FBXO25: variants seen among roughly 807,000 people sequenced by gnomAD.
FBXO25 encodes F-box only protein 25.
In FBXO25, 45 loss-of-function variants were observed where a neutral mutation model predicts 51.9. The observed-to-expected ratio is 0.87, with a 90% CI of 0.68 to 1.11. The LOEUF (loss-of-function observed/expected upper bound fraction) is 1.11. Ranked by LOEUF, FBXO25 falls within the 50% of genes most tolerant of loss-of-function variation. The pLI is 0.00. For missense variants in FBXO25, 507 were observed against 428.5 expected, an observed-to-expected ratio of 1.18 and a Z score of -1.62; for synonymous variants, 199 against 151.0, an observed-to-expected ratio of 1.32 and a Z score of -2.33.
At chr8:430,175 T>C (rs1315444797) in intron 2 of FBXO25, among the ~76,000 whole-genome samples, 1 of 152,250 alleles carries the variant, frequency 6.6e-6, no homozygotes, top group East Asian at 1.9e-4. Context: ...TTTGATATGT[T>C]TGTAATTTTC....
chr8:423,438 A>C (rs1797278762), intron 2 of FBXO25, among the ~76,000 whole-genome samples: 4 of 150,770 alleles, frequency 2.7e-5, no homozygotes. Context: ...TTTTTAACCC[A>C]CCCCCACTCC....
chr8:444,895 A>G (rs1391109873), intron 5 of FBXO25, among the ~76,000 whole-genome samples: 1 of 152,236 alleles, frequency 6.6e-6, no homozygotes, highest in African/African-American at 2.4e-5. Flanking sequence ...TCACACAGTG[A>G]GGAAATTACC....
chr8:462,938 G>C (rs997614171), intron 8 of FBXO25, 69 bp from the exon 9 acceptor site: 4 of 1,520,036 alleles, frequency 2.6e-6, no homozygotes, highest in Admixed American at 2.3e-5. Context: ...AAATGAAAAA[G>C]TTTTACACCT....
intron 1 of FBXO25, among the ~76,000 whole-genome samples, chr8:409,574 C>G (rs1310299373): frequency 3.3e-5 from 5 of 152,134 alleles, no homozygotes; most frequent in African/African-American, 1.2e-4. Flanking sequence ...GATTGTGAAA[C>G]TAGAAGATAA....
intron 9 of FBXO25, 82 bp from the exon 10 acceptor site, chr8:468,633 C>T: frequency 9.7e-7 from 1 of 1,034,744 alleles, no homozygotes; most frequent in Non-Finnish European, 1.5e-6. Flanking sequence ...CATCAACAAG[C>T]AGCTGACGAC....
chr8:467,893 T>G, intron 9 of FBXO25: 1 of 1,517,668 alleles, frequency 6.6e-7, no homozygotes. Context: ...CAGGGCTGAG[T>G]GGCCACTTTG....
At chr8:465,701 A>C (rs1258615743) in intron 9 of FBXO25, among the ~76,000 whole-genome samples, 1 of 152,198 alleles carries the variant, frequency 6.6e-6, no homozygotes, top group African/African-American at 2.4e-5. Flanking sequence ...TTTATACATA[A>C]AACAAAGTTT....
chr8:415,730 A>G (rs1199191942), intron 2 of FBXO25, among the ~76,000 whole-genome samples: 4 of 152,176 alleles, frequency 2.6e-5, no homozygotes, highest in Non-Finnish European at 5.9e-5. Flanking sequence ...TAAGTAAATA[A>G]TCTGGCTGGG....
chr8:437,095 A>G (rs543571994), intron 5 of FBXO25, among the ~76,000 whole-genome samples: 76 of 152,272 alleles, frequency 5.0e-4, no homozygotes, highest in Non-Finnish European at 9.3e-4. Flanking sequence ...ACATACTACT[A>G]TAATTTGCTG....
intron 1 of FBXO25, among the ~76,000 whole-genome samples, chr8:410,939 T>C (rs1796452199): frequency 6.6e-6 from 1 of 152,190 alleles, no homozygotes; most frequent in African/African-American, 2.4e-5. Context: ...GATCCAGGAA[T>C]ATTGTTGAAG....
chr8:410,519 C>T (rs1021292988), intron 1 of FBXO25, among the ~76,000 whole-genome samples: 10 of 152,064 alleles, frequency 6.6e-5, no homozygotes, highest in African/African-American at 2.2e-4. Context: ...TCCTAGCAGC[C>T]ATTTTCTGTT....
intron 3 of FBXO25, 124 bp downstream of exon 3, chr8:431,568 G>T (rs373891559): frequency 2.9e-5 from 15 of 524,702 alleles, no homozygotes; most frequent in East Asian, 1.8e-4. Context: ...CCAGTATCCA[G>T]CATTGCCTAC....
Position 472,601 on chromosome 8 carries a change from T to C in FBXO25, c.*3797T>C, listed in dbSNP as rs1413848354. 6.6e-6 allele frequency: 1 copy of C among 151,232 alleles called. No individual in the cohort carries two copies. Among genetic ancestry groups the C allele is most frequent in the Non-Finnish European group, 1.5e-5 (1 of 67,852 alleles). 9.4% of individuals were successfully genotyped at this position (151,232 alleles called of 1,614,324 possible). A position where few individuals can be genotyped will look rare whatever the true frequency, so the allele number is the denominator to read the frequency against. On this transcript the variant is annotated 3_prime_UTR_variant, in exon 10 of 10. Coordinates refer to ENST00000350302, the MANE Select transcript of FBXO25 (RefSeq NM_183420.2). ...CTTAGAAAGTGTTCCCTCTTCTGTG[T>C]TTTGGAAGTGTTTGTGGTGGTTTCT...
chr8:426,963 A>C (rs899978039), intron 2 of FBXO25, among the ~76,000 whole-genome samples: 7 of 152,130 alleles, frequency 4.6e-5, no homozygotes, highest in African/African-American at 1.7e-4. Context: ...CTTATATAAA[A>C]TTGACTGGAC....
At position 475,817 on chromosome 8, in the gene FBXO25, T is replaced by A. The variant is rs1399786265; in HGVS notation, c.*7013T>A. 1 of 152,218 alleles carries A rather than the reference T, an allele frequency of 6.6e-6. No homozygotes were observed. The highest frequency in any genetic ancestry group is 1.5e-5 in the Non-Finnish European group (1 of 68,024). The allele number at this position is 152,218 out of a possible 1,614,324, so 9.4% of individuals were successfully genotyped here. ...TGTATGGACACTAGGATTTTCTACA[T>A]ATAAGATCATGTCATCTGCAAACAG... On this transcript the variant is annotated 3_prime_UTR_variant, in exon 10 of 10. Coordinates refer to ENST00000350302, the MANE Select transcript of FBXO25 (RefSeq NM_183420.2).
intron 2 of FBXO25, chr8:420,269 C>G (rs1361109017): frequency 6.6e-6 from 1 of 152,166 alleles, no homozygotes; most frequent in African/African-American, 2.4e-5. Context: ...GATGAAAGAA[C>G]AATCACGAAG....
chr8:456,038 C>T (rs1169593393), intron 7 of FBXO25, among the ~76,000 whole-genome samples: 1 of 152,226 alleles, frequency 6.6e-6, no homozygotes, highest in African/African-American at 2.4e-5. Context: ...ACCACCACTT[C>T]ATGCTACCTT....
intron 5 of FBXO25, 139 bp from the exon 6 acceptor site, chr8:449,851 A>T (rs556466937): frequency 2.3e-4 from 147 of 638,508 alleles, no homozygotes; most frequent in Non-Finnish European, 3.2e-4. Flanking sequence ...TGTTTCCTAT[A>T]CTTGGACTCG....
intron 2 of FBXO25, among the ~76,000 whole-genome samples, chr8:417,471 G>C (rs1048727472): frequency 3.9e-5 from 6 of 152,232 alleles, no homozygotes; most frequent in Non-Finnish European, 7.3e-5. Context: ...CACATGGAAT[G>C]TGTATGGTGC....
Sources: gnomAD v4.1 joint callset for allele counts (sites outside exome capture counted in the v4.1 genomes callset) on GRCh38, gnomAD v4.1.1 for gene constraint, MANE v1.5 for transcripts, NCBI Gene and HGNC (gene_info 2026-07-23, HGNC 2026-07-21) for gene names.